Variants in ZBTB7C observed in about 807,000 individuals in gnomAD.
ZBTB7C encodes the protein zinc finger and BTB domain-containing protein 7C.
ZBTB7C carries 8 observed loss-of-function variants against 25.7 expected under a neutral mutation model. The observed-to-expected ratio is 0.31, with a 90% CI of 0.18 to 0.56. The LOEUF (loss-of-function observed/expected upper bound fraction) is 0.56, where lower values mean the gene tolerates loss of function less well. Among genes scored for constraint, ZBTB7C ranks in the 20% least tolerant of loss-of-function variants. ZBTB7C has a pLI of 0.91. For synonymous variants in ZBTB7C, 394 were observed against 369.0 expected (o/e 1.07, Z -0.78); for missense variants, 824 against 855.2 (o/e 0.96, Z 0.46).
intron 2 of ZBTB7C, among the ~76,000 whole-genome samples, chr18:48,231,084 T>C (rs1944570): frequency 0.99 from 151,070 of 152,282 alleles, 74,941 homozygotes; most frequent in Middle Eastern, 1. Flanking sequence ...TGCAGGCACC[T>C]TTGGCACTAA....
intron 2 of ZBTB7C, among the ~76,000 whole-genome samples, chr18:48,287,782 C>A (rs1170978489): frequency 1.3e-5 from 2 of 152,224 alleles, no homozygotes; most frequent in East Asian, 3.9e-4. Flanking sequence ...GTGCAATTCA[C>A]CACCATAAAG....
At chr18:48,203,062 C>T (rs2042493948) in intron 2 of ZBTB7C, among the ~76,000 whole-genome samples, 1 of 152,168 alleles carries the variant, frequency 6.6e-6, no homozygotes, top group Non-Finnish European at 1.5e-5. Flanking sequence ...CCACACCTCC[C>T]AGCATGGAAT....
At chr18:48,315,469 C>A (rs2045927041) in intron 2 of ZBTB7C, among the ~76,000 whole-genome samples, 2 of 152,176 alleles carry the variant, frequency 1.3e-5, no homozygotes, top group Admixed American at 6.5e-5. Flanking sequence ...CTCCCTGCAA[C>A]CCCTGCCTGG....
intron 3 of ZBTB7C, among the ~76,000 whole-genome samples, chr18:48,061,931 C>G (rs1248445725): frequency 1.3e-5 from 2 of 152,118 alleles, no homozygotes; most frequent in Non-Finnish European, 2.9e-5. Flanking sequence ...CTGGGAGCAT[C>G]AGTAATAAAG....
chr18:48,319,112 C>CTGTGTGTGTGTGTG (rs143825394), intron 2 of ZBTB7C, among the ~76,000 whole-genome samples: 20,770 of 147,252 alleles, frequency 0.14, 1,559 homozygotes, highest in Non-Finnish European at 0.18. Flanking sequence ...CAGAATGCCT[C>CTGTGTGTGTGTGTG]TGTGTGTGTG....
upstream of ZBTB7C, chr18:48,409,465 C>A: frequency 6.8e-6 from 1 of 146,566 alleles, no homozygotes; most frequent in South Asian, 1.9e-4. Context: ...CCCCGCCTCC[C>A]GCGCCGCGGC....
intron 1 of ZBTB7C, among the ~76,000 whole-genome samples, chr18:48,370,334 G>A (rs1310801104): frequency 6.6e-6 from 1 of 152,134 alleles, no homozygotes; most frequent in Non-Finnish European, 1.5e-5. Flanking sequence ...GATTACATAA[G>A]TATTATATGA....
chr18:48,158,814 C>T (rs927378538), intron 3 of ZBTB7C, among the ~76,000 whole-genome samples: 1 of 152,170 alleles, frequency 6.6e-6, no homozygotes, highest in Admixed American at 6.5e-5. Flanking sequence ...CCCTGTCCAT[C>T]CATCTCGAGG....
Position 48,257,786 on chromosome 18 carries a change from GAA to G in ZBTB7C, c.-78-71793_-78-71792del, listed in dbSNP as rs199616477. ...GTGTAAGGCGCTGTATTAACAAGCT[GAA>G]AAAAAAAAAACTAGGATCATGCAAA... On this transcript the variant is annotated intron_variant, in intron 2 of 4. Transcript: ENST00000590800. Among the ~76,000 whole-genome samples, 268 of 141,102 alleles carry G rather than the reference GAA, an allele frequency of 1.9e-3. 4 individuals are homozygous for G. The highest frequency in any genetic ancestry group is 6.5e-3 in the African/African-American group (254 of 38,922). 92.6% of individuals were successfully genotyped at this position (141,102 alleles called of 152,430 possible).
At chr18:48,046,323 GC>G (rs1262856784) in intron 3 of ZBTB7C, among the ~76,000 whole-genome samples, 6 of 152,202 alleles carry the variant, frequency 3.9e-5, no homozygotes, top group African/African-American at 1.4e-4. Flanking sequence ...ATAGATGGAA[GC>G]AAATGTATTG....
At chr18:48,139,757 G>A (rs1233849713) in intron 3 of ZBTB7C, among the ~76,000 whole-genome samples, 1 of 149,040 alleles carries the variant, frequency 6.7e-6, no homozygotes, top group Non-Finnish European at 1.5e-5. Flanking sequence ...GGAACATAAA[G>A]CAGTCTTAGT....
chr18:48,228,729 T>G (rs1300936083), intron 2 of ZBTB7C, among the ~76,000 whole-genome samples: 1 of 86,936 alleles, frequency 1.2e-5, no homozygotes, highest in Admixed American at 1.0e-4. Flanking sequence ...TCTCTCTCTC[T>G]CTGTCTCTCT....
At chr18:48,310,229 CAA>C (rs201208058) in intron 2 of ZBTB7C, among the ~76,000 whole-genome samples, 5 of 130,088 alleles carry the variant, frequency 3.8e-5, no homozygotes, top group Non-Finnish European at 6.7e-5. Flanking sequence ...GACTCCACCT[CAA>C]AAAAAAAAAA....
chr18:48,336,952 C>G (rs2144944147), intron 2 of ZBTB7C, among the ~76,000 whole-genome samples: 1 of 152,304 alleles, frequency 6.6e-6, no homozygotes, highest in East Asian at 1.9e-4. Context: ...CCTGACTACC[C>G]CTTGCCAGAG....
rs967982463 is a variant in ZBTB7C, at chr18:48,238,919, G to A, written c.-78-52924C>T. 3.5e-4 allele frequency among the ~76,000 whole-genome samples: 53 copies of A among 152,264 alleles called. 1 individual carries two copies. Among genetic ancestry groups the A allele is most frequent in the African/African-American group, 1.3e-3 (52 of 41,542 alleles). On this transcript the variant is annotated intron_variant, in intron 2 of 4. Transcript: ENST00000590800. The stretch of plus-strand genomic sequence containing the variant: ...GGGCAAGATCTCAGCCCCACTCACC[G>A]GCTGCCTGGATACCAGTTTGGTACT...
At chr18:48,389,297 G>A (rs1224560340) in intron 1 of ZBTB7C, among the ~76,000 whole-genome samples, 1 of 135,276 alleles carries the variant, frequency 7.4e-6, no homozygotes, top group Non-Finnish European at 1.5e-5. Flanking sequence ...GTGAGCACCT[G>A]AGGGTCTATA....
At chr18:48,130,670 A>T (rs981267974) in intron 3 of ZBTB7C, among the ~76,000 whole-genome samples, 1 of 151,588 alleles carries the variant, frequency 6.6e-6, no homozygotes, top group Non-Finnish European at 1.5e-5. Context: ...AATTTTGTGC[A>T]GAACCAGATC....
chr18:48,173,465 G>A (rs1255602097), intron 3 of ZBTB7C, among the ~76,000 whole-genome samples: 1 of 152,162 alleles, frequency 6.6e-6, no homozygotes, highest in Non-Finnish European at 1.5e-5. Context: ...AACTGGGCCA[G>A]TCCCTCATGG....
At chr18:48,054,342 C>T (rs1211213341) in intron 3 of ZBTB7C, among the ~76,000 whole-genome samples, 1 of 152,160 alleles carries the variant, frequency 6.6e-6, no homozygotes, top group Non-Finnish European at 1.5e-5. Context: ...GCATTATTCA[C>T]GGCCACTCCC....
Sources: allele counts gnomAD v4.1 joint callset (sites outside exome capture counted in the v4.1 genomes callset), GRCh38; gene constraint gnomAD v4.1.1; transcripts MANE v1.5; gene names NCBI Gene and HGNC (gene_info 2026-07-23, HGNC 2026-07-21).